Variants in MYO9A observed in about 807,000 individuals in gnomAD.
The protein encoded by MYO9A is myosin IXA.
Under a neutral mutation model 293.3 loss-of-function variants are expected in MYO9A, and 103 were observed. The ratio of observed to expected loss-of-function variants is 0.35; its 90% CI spans 0.30 to 0.41. The LOEUF (loss-of-function observed/expected upper bound fraction) is 0.41, where lower values mean the gene tolerates loss of function less well. Among genes scored for constraint, MYO9A ranks in the 10% least tolerant of loss-of-function variants. MYO9A has a pLI of 1.00. For missense variants in MYO9A, 2,685 were observed against 3,033.0 expected (o/e 0.89, Z 2.69); for synonymous variants, 1,001 against 1,035.7 (o/e 0.97, Z 0.64).
At position 71,859,750 on chromosome 15, in the gene MYO9A, G is replaced by T. The variant is rs1368066440; in HGVS notation, c.6138C>A (p.Ala2046=). 1.9e-6 allele frequency: 3 copies of T among 1,612,746 alleles called. No individual in the cohort carries two copies. The African/African-American group carries it at 4.0e-5, about 22-fold the overall frequency. The change falls in exon 34 of 42, where the codon GCC becomes GCA. Residue 2046 remains alanine (A), a synonymous_variant. Transcript: ENST00000356056. ...CHKKCCLKTT[A]KCSKKYDPEL... Reference sequence around the variant, plus strand: ...AATTTCTTACCTTTTTAGAGCACTTGGCTGTGGTTTTCAGACAGCACTTCT... The same window carrying T: ...AATTTCTTACCTTTTTAGAGCACTTTGCTGTGGTTTTCAGACAGCACTTCT...
At chr15:72,114,956 T>A (rs1193997977) in intron 1 of MYO9A, among the ~76,000 whole-genome samples, 5 of 152,216 alleles carry the variant, frequency 3.3e-5, no homozygotes, top group Admixed American at 3.3e-4. Flanking sequence ...CCACATAGTA[T>A]AATCCAAATG....
Position 71,824,672 on chromosome 15 carries a change from T to G in MYO9A, c.*1908A>C, listed in dbSNP as rs2054396825. On this transcript the variant is annotated 3_prime_UTR_variant, in exon 42 of 42. Coordinates refer to ENST00000356056, the MANE Select transcript of MYO9A (RefSeq NM_006901.4). The stretch of plus-strand genomic sequence containing the variant: ...AAAGCTTAACATTATTTATTACTCC[T>G]CAGGACAAGATGAACAAGGTGGCAG... 6.6e-6 allele frequency: 1 copy of G among 152,214 alleles called. No homozygotes were observed. Among genetic ancestry groups the G allele is most frequent in the Non-Finnish European group, 1.5e-5 (1 of 68,036 alleles). 9.4% of individuals were successfully genotyped at this position (152,214 alleles called of 1,614,324 possible).
In MYO9A at chr15:71,951,804, G is replaced by C. The variant is rs1422570067; in HGVS notation, c.2275C>G (p.Leu759Val). 6.2e-7 allele frequency: 1 copy of C among 1,613,592 alleles called. No individual in the cohort carries two copies. Among genetic ancestry groups the C allele is most frequent in the Non-Finnish European group, 8.5e-7 (1 of 1,179,870 alleles). Residue 759 changes from leucine to valine, a missense_variant, in exon 15 of 42, where the codon CTG becomes GTG. Leu to Val is a conservative substitution (Grantham distance 32). Around this residue, in one of 10 missense-constraint regions of MYO9A, gnomAD observed 1,434 missense variants for 1,497.7 expected, o/e 0.96. Coordinates refer to ENST00000356056, the MANE Select transcript of MYO9A (RefSeq NM_006901.4). ...HPVHQRSLEI[L>V]QRCKEEKYSI... is the part of the protein sequence containing the mutation. ...TACTTCTCTTCCTTGCATCTCTGCA[G>C]AATCTCTAAGCTCCTCTGGTGGACT...
At chr15:71,908,462 A>T (rs1165634842) in intron 19 of MYO9A, among the ~76,000 whole-genome samples, 1 of 152,164 alleles carries the variant, frequency 6.6e-6, no homozygotes, top group Non-Finnish European at 1.5e-5. Flanking sequence ...TGCCCGGCCG[A>T]TAATATCCAT....
chr15:71,966,265 A>T (rs1485910982), intron 13 of MYO9A, among the ~76,000 whole-genome samples: 5 of 134,860 alleles, frequency 3.7e-5, no homozygotes, highest in African/African-American at 8.6e-5. Context: ...ATCCCAGGCA[A>T]GTGTGTGTGT....
chr15:71,983,592 C>A (rs1016507262), intron 11 of MYO9A, among the ~76,000 whole-genome samples: 4 of 149,092 alleles, frequency 2.7e-5, no homozygotes, highest in African/African-American at 9.9e-5. Context: ...AAGCAATTCT[C>A]CTGCCTCAGC....
intron 7 of MYO9A, among the ~76,000 whole-genome samples, chr15:72,009,959 GA>G (rs2077126228): frequency 6.6e-6 from 1 of 151,914 alleles, no homozygotes; most frequent in South Asian, 2.1e-4. Flanking sequence ...GAAATACACT[GA>G]AAATTAAATA....
intron 7 of MYO9A, among the ~76,000 whole-genome samples, chr15:72,008,825 G>A (rs1241924155): frequency 1.3e-5 from 2 of 152,024 alleles, no homozygotes; most frequent in East Asian, 3.9e-4. Flanking sequence ...ACAGCTTTGT[G>A]TCACATGCAG....
intron 26 of MYO9A, among the ~76,000 whole-genome samples, chr15:71,889,080 A>G (rs1333457424): frequency 2.6e-5 from 4 of 152,214 alleles, no homozygotes; most frequent in African/African-American, 7.2e-5. Flanking sequence ...AGTGGAACAC[A>G]TGAAGCTGAA....
chr15:71,865,640 G>A (rs1364576085), intron 32 of MYO9A, among the ~76,000 whole-genome samples: 1 of 152,122 alleles, frequency 6.6e-6, no homozygotes, highest in African/African-American at 2.4e-5. Context: ...GGTTGTGAGG[G>A]GCTCAGAGGA....
chr15:71,853,007 T>C (rs562154458), intron 35 of MYO9A, among the ~76,000 whole-genome samples: 3 of 152,126 alleles, frequency 2.0e-5, no homozygotes, highest in Non-Finnish European at 4.4e-5. Flanking sequence ...TGAGGCAGAA[T>C]TGCTTGAACC....
At chr15:71,896,817 GT>G (rs1026633309) in intron 25 of MYO9A, 5 of 151,926 alleles carry the variant, frequency 3.3e-5, no homozygotes, top group African/African-American at 1.2e-4. Flanking sequence ...TTTATATGAA[GT>G]ATAAAAAGTA....
chr15:72,013,458 G>A (rs375118490), intron 6 of MYO9A, among the ~76,000 whole-genome samples: 13 of 152,130 alleles, frequency 8.5e-5, no homozygotes, highest in South Asian at 2.1e-4. Context: ...GGTAAGGTTC[G>A]TTCCAAGGAT....
chr15:72,035,725 A>G (rs1390406567), intron 2 of MYO9A, among the ~76,000 whole-genome samples: 1 of 152,192 alleles, frequency 6.6e-6, no homozygotes, highest in Non-Finnish European at 1.5e-5. Context: ...AGATCACTGA[A>G]GTCTAGAAGG....
chr15:71,966,154 G>A (rs1473389020), intron 13 of MYO9A, among the ~76,000 whole-genome samples: 3 of 152,110 alleles, frequency 2.0e-5, no homozygotes, highest in Admixed American at 2.0e-4. Context: ...TGGGATTACA[G>A]GCGTGAGCCA....
At chr15:71,910,665 A>C (rs2057818610) in intron 19 of MYO9A, among the ~76,000 whole-genome samples, 1 of 152,192 alleles carries the variant, frequency 6.6e-6, no homozygotes, top group Non-Finnish European at 1.5e-5. Flanking sequence ...CATGTTGGCA[A>C]GTATGTAACA....
intron 11 of MYO9A, among the ~76,000 whole-genome samples, chr15:71,981,690 G>C (rs747228726): frequency 1.3e-5 from 2 of 150,162 alleles, no homozygotes; most frequent in African/African-American, 4.9e-5. Context: ...TCCTTGAGGG[G>C]TTCATCAATA....
chr15:72,096,595 C>T (rs1350382924), intron 1 of MYO9A, among the ~76,000 whole-genome samples: 2 of 152,336 alleles, frequency 1.3e-5, no homozygotes, highest in East Asian at 1.9e-4. Context: ...ACAACATCCA[C>T]TCTGCAGCCC....
intron 15 of MYO9A, 96 bp from the exon 16 acceptor site, chr15:71,939,023 A>G: frequency 1.2e-6 from 1 of 843,570 alleles, no homozygotes; most frequent in South Asian, 1.7e-5. Context: ...TTTAATCACG[A>G]GTATTTGCTA....
Sources: allele counts gnomAD v4.1 joint callset (sites outside exome capture counted in the v4.1 genomes callset), GRCh38; gene constraint gnomAD v4.1.1; regional missense constraint gnomAD v4.1.1; transcripts MANE v1.5; gene names NCBI Gene and HGNC (gene_info 2026-07-23, HGNC 2026-07-21).